LINGO2: variants seen among roughly 807,000 people sequenced by gnomAD.
LINGO2 encodes leucine rich repeat and Ig domain containing 2, also known as leucine-rich repeat and immunoglobulin-like domain-containing nogo receptor-interacting protein 2.
In LINGO2, 14 loss-of-function variants were observed where a neutral mutation model predicts 30.6. The ratio of observed to expected loss-of-function variants is 0.46; its 90% CI spans 0.30 to 0.72. The LOEUF is 0.72. Among genes scored for constraint, LINGO2 ranks in the 30% least tolerant of loss-of-function variants. The pLI, the probability that LINGO2 is intolerant of heterozygous loss-of-function variation, is 0.07. For missense variants in LINGO2, 729 were observed against 751.7 expected, an observed-to-expected ratio of 0.97 and a Z score of 0.35; for synonymous variants, 317 against 288.5, an observed-to-expected ratio of 1.10 and a Z score of -1.00.
At chr9:28,647,391 A>C (rs966535995) in intron 1 of LINGO2, among the ~76,000 whole-genome samples, 1 of 152,080 alleles carries the variant, frequency 6.6e-6, no homozygotes, top group East Asian at 1.9e-4. Context: ...TAGAACTTTA[A>C]CAGGTTTGCT....
chr9:28,746,332 C>T, the LINGO2 span, among the ~76,000 whole-genome samples: 14 of 151,994 alleles, frequency 9.2e-5, no homozygotes, highest in South Asian at 2.1e-4. Context: ...TTACTTGACA[C>T]GCTATATAAA....
intron 4 of LINGO2, among the ~76,000 whole-genome samples, chr9:28,101,697 A>C (rs1826420906): frequency 6.6e-6 from 1 of 152,156 alleles, no homozygotes; most frequent in Non-Finnish European, 1.5e-5. Context: ...AACTATTGCA[A>C]CAGAAGTTTG....
chr9:28,307,583 A>T (rs144555247), intron 3 of LINGO2, among the ~76,000 whole-genome samples: 12 of 152,314 alleles, frequency 7.9e-5, no homozygotes, highest in Non-Finnish European at 1.6e-4. Flanking sequence ...TCGCCAGGGC[A>T]ATTAGGCAGG....
intron 1 of LINGO2, among the ~76,000 whole-genome samples, chr9:28,655,445 T>C (rs1053103564): frequency 6.6e-6 from 1 of 151,920 alleles, no homozygotes; most frequent in Non-Finnish European, 1.5e-5. Flanking sequence ...GACTTTTGAG[T>C]TAGCACTGGA....
intron 4 of LINGO2, among the ~76,000 whole-genome samples, chr9:28,151,787 T>G (rs1564004901): frequency 6.6e-6 from 1 of 152,052 alleles, no homozygotes; most frequent in East Asian, 1.9e-4. Context: ...AATAAGACTA[T>G]AAAATTCTTG....
At position 28,429,004 on chromosome 9, in the gene LINGO2, T is replaced by C. The variant is rs541828895; in HGVS notation, c.-279+46936A>G. The stretch of plus-strand genomic sequence containing the variant: ...TATCTTGACTTAAGAATCTAACTTG[T>C]TAAATAATTTTGGTTGAAAATAAAG... On this transcript the variant is annotated intron_variant, in intron 2 of 5. Transcript: ENST00000379992. Among the ~76,000 whole-genome samples, 7 of 152,298 alleles carry C rather than the reference T, an allele frequency of 4.6e-5. No homozygotes were observed. The East Asian group carries it at 1.2e-3, about 25-fold the overall frequency.
the LINGO2 span, among the ~76,000 whole-genome samples, chr9:28,944,621 G>T: frequency 6.6e-6 from 1 of 151,844 alleles, no homozygotes; most frequent in Non-Finnish European, 1.5e-5. Context: ...GGCCAGGCTG[G>T]TCTAGAACTC....
chr9:29,170,316 G>C, the LINGO2 span, among the ~76,000 whole-genome samples: 1 of 152,228 alleles, frequency 6.6e-6, no homozygotes, highest in East Asian at 1.9e-4. Flanking sequence ...AATGGAACCA[G>C]AGGCCATTAT....
intron 4 of LINGO2, among the ~76,000 whole-genome samples, chr9:28,069,947 A>G (rs1360248396): frequency 6.6e-6 from 1 of 152,218 alleles, no homozygotes; most frequent in Non-Finnish European, 1.5e-5. Flanking sequence ...GCACAAATAT[A>G]CAACAGAGCA....
the LINGO2 span, among the ~76,000 whole-genome samples, chr9:28,961,871 T>C: frequency 6.6e-6 from 1 of 152,308 alleles, no homozygotes; most frequent in East Asian, 1.9e-4. Flanking sequence ...TTTTGTTCTA[T>C]AAACCAGCAG....
At chr9:28,768,035 G>A in the LINGO2 span, among the ~76,000 whole-genome samples, 1 of 152,104 alleles carries the variant, frequency 6.6e-6, no homozygotes, top group Admixed American at 6.5e-5. Context: ...TTGGAGGTGC[G>A]AAATAGTGGT....
chr9:28,179,019 T>G (rs1828824562), intron 4 of LINGO2, among the ~76,000 whole-genome samples: 1 of 152,010 alleles, frequency 6.6e-6, no homozygotes, highest in African/African-American at 2.4e-5. Context: ...GATAATATAG[T>G]TTTTGCAGAC....
chr9:28,847,372 C>A, the LINGO2 span, among the ~76,000 whole-genome samples: 2 of 147,784 alleles, frequency 1.4e-5, no homozygotes, highest in Non-Finnish European at 3.0e-5. Context: ...TCAATTCAGT[C>A]AGACTTAATA....
intron 4 of LINGO2, among the ~76,000 whole-genome samples, chr9:28,168,689 C>T (rs567634098): frequency 6.6e-6 from 1 of 152,354 alleles, no homozygotes; most frequent in South Asian, 2.1e-4. Flanking sequence ...TCTAAAGGTA[C>T]ATGCAAATGA....
chr9:28,935,635 GTATT>G, the LINGO2 span, among the ~76,000 whole-genome samples: 1 of 151,862 alleles, frequency 6.6e-6, no homozygotes, highest in Non-Finnish European at 1.5e-5. Context: ...AGAAGCAACT[GTATT>G]TAAATTGTTT....
chr9:28,947,696 A>C, the LINGO2 span, among the ~76,000 whole-genome samples: 1 of 151,634 alleles, frequency 6.6e-6, no homozygotes, highest in East Asian at 1.9e-4. Flanking sequence ...ACACACACAC[A>C]TATACACGTC....
intron 4 of LINGO2, among the ~76,000 whole-genome samples, chr9:28,037,694 G>A (rs1824003161): frequency 6.6e-6 from 1 of 152,228 alleles, no homozygotes. Flanking sequence ...TGCCATGGAA[G>A]GGACTCAATG....
intron 1 of LINGO2, among the ~76,000 whole-genome samples, chr9:28,640,733 T>C (rs1425662087): frequency 6.6e-6 from 1 of 152,030 alleles, no homozygotes; most frequent in East Asian, 1.9e-4. Context: ...TCGTCTAATC[T>C]TTATTCAAGG....
At chr9:29,178,284 G>T in the LINGO2 span, among the ~76,000 whole-genome samples, 2 of 152,034 alleles carry the variant, frequency 1.3e-5, no homozygotes, top group Non-Finnish European at 2.9e-5. Context: ...TCGAACTCCT[G>T]ACCTCAAGTA....
Sources: gnomAD v4.1 joint callset for allele counts (sites outside exome capture counted in the v4.1 genomes callset) on GRCh38, gnomAD v4.1.1 for gene constraint, MANE v1.5 for transcripts, NCBI Gene and HGNC (gene_info 2026-07-23, HGNC 2026-07-21) for gene names.